The following SHROOM2 variants were observed in gnomAD, a reference collection of about 807,000 sequenced individuals.
SHROOM2 encodes the protein shroom family member 2, also known as protein Shroom2.
A neutral mutation model predicts 75.9 loss-of-function variants in SHROOM2; 33 were observed. The ratio of observed to expected loss-of-function variants is 0.43; its 90% CI spans 0.33 to 0.58. SHROOM2 has a LOEUF of 0.58. SHROOM2 is among the 20% of genes least tolerant of loss of function. SHROOM2 has a pLI of 0.04. For missense variants in SHROOM2, 1,434 were observed against 1,461.2 expected (o/e 0.98, Z 0.30); for synonymous variants, 655 against 663.6 (o/e 0.99, Z 0.20).
intron 5 of SHROOM2, among the ~76,000 whole-genome samples, chrX:9,924,967 T>C (rs1250590785): frequency 9.0e-6 from 1 of 111,591 alleles, no homozygotes; most frequent in Non-Finnish European, 1.9e-5. Flanking sequence ...GGTAAATTGG[T>C]ATGTCTAAGG....
At chrX:9,807,427 C>T (rs925373409) in intron 1 of SHROOM2, among the ~76,000 whole-genome samples, 1 of 112,004 alleles carries the variant, frequency 8.9e-6, no homozygotes, top group African/African-American at 3.2e-5. Flanking sequence ...CTGAGGGGAC[C>T]TGTTGGGAGG....
intron 5 of SHROOM2, among the ~76,000 whole-genome samples, chrX:9,906,523 G>A (rs772724610): frequency 4.8e-4 from 54 of 113,066 alleles, no homozygotes; most frequent in Non-Finnish European, 9.0e-4. Context: ...GGCAGGGCGT[G>A]GTGGCTCACG....
rs1186694955 is a variant in SHROOM2, at chrX:9,896,266, A to G, written c.2358A>G (p.Thr786=). 2.5e-6 allele frequency: 3 copies of G among 1,211,243 alleles called. No individual in the cohort carries two copies. Among genetic ancestry groups the G allele is most frequent in the African/African-American group, 3.5e-5 (2 of 57,612 alleles). Residue 786 remains threonine (T), a synonymous_variant, in exon 4 of 10, where the codon ACA becomes ACG. Transcript: ENST00000380913. ...RGYSPHQHPR[T]SEDTVGTFAD... is the part of the protein sequence containing the mutation. The stretch of plus-strand genomic sequence containing the variant: ...ACAGTCCTCACCAGCACCCCAGGAC[A>G]TCTGAGGATACTGTGGGCACGTTTG...
intron 9 of SHROOM2, among the ~76,000 whole-genome samples, chrX:9,945,586 G>T (rs2084811139): frequency 8.9e-6 from 1 of 111,787 alleles, no homozygotes; most frequent in South Asian, 3.7e-4. Context: ...TCATGTTGTT[G>T]TTGTTTTTAC....
At chrX:9,897,891 A>G (rs1368768944) in intron 4 of SHROOM2, among the ~76,000 whole-genome samples, 1 of 111,893 alleles carries the variant, frequency 8.9e-6, no homozygotes, top group Non-Finnish European at 1.9e-5. Context: ...TCAGGAGCAA[A>G]GAATCCCAGG....
chrX:9,786,512 T>A lies in SHROOM2; in HGVS notation c.-34T>A. 1.2e-6 allele frequency: 1 copy of A among 843,021 alleles called. No individual in the cohort carries two copies. Among genetic ancestry groups the A allele is most frequent in the Non-Finnish European group, 1.4e-6 (1 of 694,869 alleles). 69.5% of individuals were successfully genotyped at this position (843,021 alleles called of 1,213,427 possible). A position where few individuals can be genotyped will look rare whatever the true frequency, so the allele number is the denominator to read the frequency against. On this transcript the variant is annotated 5_prime_UTR_variant, in exon 1 of 10. The change abolishes an upstream ATG in the 5' untranslated region. Transcript: ENST00000380913. The stretch of plus-strand genomic sequence containing the variant: ...CACGGCCGGGACTGCCCGGAGTGCA[T>A]GGGCGCGGGCCAGGGACGCTGAGCG...
chrX:9,893,790 A>G (rs2147014689), intron 3 of SHROOM2, among the ~76,000 whole-genome samples: 2 of 109,860 alleles, frequency 1.8e-5, no homozygotes, highest in East Asian at 5.8e-4. Context: ...CGTCTCTACT[A>G]AAAATACAAC....
At chrX:9,855,523 C>T (rs2084064584) in intron 1 of SHROOM2, among the ~76,000 whole-genome samples, 1 of 104,940 alleles carries the variant, frequency 9.5e-6, no homozygotes, top group African/African-American at 3.7e-5. Flanking sequence ...GATAAAAATC[C>T]CAACTATTCC....
At chrX:9,898,468 C>CA (rs1288597467) in intron 5 of SHROOM2, among the ~76,000 whole-genome samples, 178 bp downstream of exon 5, 1 of 112,703 alleles carries the variant, frequency 8.9e-6, no homozygotes, top group African/African-American at 3.2e-5. Context: ...AGAGCCTGTG[C>CA]ACCCTGCAGC....
At position 9,808,913 on chromosome X, in the gene SHROOM2, G is replaced by A. The variant is rs771820506; in HGVS notation, c.165+22203G>A. Among the ~76,000 whole-genome samples, 49 of 110,138 alleles carry A rather than the reference G, an allele frequency of 4.4e-4. 1 individual carries two copies. The South Asian group carries it at 0.018, about 41-fold the overall frequency. ...ATGTAATTCACATGTCACAAAATTC[G>A]CCATGTTAAAGGGTACAGTTTAGTG... On this transcript the variant is annotated intron_variant, in intron 1 of 9. Coordinates refer to ENST00000380913, the MANE Select transcript of SHROOM2 (RefSeq NM_001649.4).
chrX:9,874,926 T>G (rs1247888434), intron 2 of SHROOM2, among the ~76,000 whole-genome samples: 4 of 104,898 alleles, frequency 3.8e-5, no homozygotes, highest in Non-Finnish European at 7.8e-5. Flanking sequence ...AAAAATTTTT[T>G]TTTAATTAGC....
In SHROOM2 at chrX:9,834,159, G is replaced by A. The variant is rs188052671; in HGVS notation, c.166-39493G>A. On this transcript the variant is annotated intron_variant, in intron 1 of 9. Transcript: ENST00000380913. ...GCGCAAGATGCCCCCCACAGCAAAC[G>A]GGGGTCCATCTCAGTGTGGTGGTGG... 2.7e-3 allele frequency among the ~76,000 whole-genome samples: 298 copies of A among 112,169 alleles called. 2 individuals carry two copies. The highest frequency in any genetic ancestry group is 8.9e-3 in the African/African-American group (276 of 30,917).
intron 5 of SHROOM2, among the ~76,000 whole-genome samples, chrX:9,911,563 G>A: frequency 9.0e-6 from 1 of 111,112 alleles, no homozygotes; most frequent in Non-Finnish European, 1.9e-5. Context: ...AGTGGCTGGC[G>A]ACGCTGCTTC....
intron 1 of SHROOM2, among the ~76,000 whole-genome samples, chrX:9,791,870 C>T (rs2083649789): frequency 1.8e-5 from 2 of 108,962 alleles, no homozygotes; most frequent in African/African-American, 3.4e-5. Context: ...TGGTGCATGC[C>T]TGTAATTCCA....
intron 1 of SHROOM2, among the ~76,000 whole-genome samples, chrX:9,799,157 C>CTT (rs58508176): frequency 0.17 from 10,322 of 60,956 alleles, 2,356 homozygotes; most frequent in African/African-American, 0.32. Flanking sequence ...GAGTTTAATT[C>CTT]TTTTTTTTTT....
Position 9,847,358 on chromosome X carries a change from G to A in SHROOM2, c.166-26294G>A, listed in dbSNP as rs151097052. Among the ~76,000 whole-genome samples, 836 of 112,518 alleles carry A rather than the reference G, an allele frequency of 7.4e-3. 6 individuals carry two copies. The highest frequency in any genetic ancestry group is 0.026 in the African/African-American group (803 of 30,986). On this transcript the variant is annotated intron_variant, in intron 1 of 9. Transcript: ENST00000380913. ...AAACAGTCTTTTGCAATGACTAACC[G>A]TGCTGGGTTGGAATGCAGTGCACAC...
At chrX:9,817,491 G>A (rs184803153) in intron 1 of SHROOM2, among the ~76,000 whole-genome samples, 35 of 111,924 alleles carry the variant, frequency 3.1e-4, no homozygotes, top group African/African-American at 1.1e-3. Flanking sequence ...GGTTGTTAAT[G>A]TAATAACTTC....
intron 2 of SHROOM2, 126 bp from the exon 3 acceptor site, chrX:9,890,851 C>T: frequency 1.5e-6 from 1 of 673,989 alleles, no homozygotes; most frequent in Non-Finnish European, 2.2e-6. Flanking sequence ...GGTCCTCAAG[C>T]CCCCTGCACT....
In SHROOM2 at chrX:9,916,916, G is replaced by A. The variant is rs770531304; in HGVS notation, c.2892-15259G>A. On this transcript the variant is annotated intron_variant, in intron 5 of 9. Transcript: ENST00000380913. ...AAGTGTGTTGAATTTTAGCGTTGTC[G>A]CCCTTGCACCTGGAGCCTCTGTGTG... Among the ~76,000 whole-genome samples the A allele has an allele frequency of 2.9e-3, 326 of 111,571 alleles. 4 individuals are homozygous for A. Among genetic ancestry groups the A allele is most frequent in the African/African-American group, 9.7e-3 (298 of 30,693 alleles).
Sources: gnomAD v4.1 joint callset for allele counts (sites outside exome capture counted in the v4.1 genomes callset) on GRCh38, gnomAD v4.1.1 for gene constraint, MANE v1.5 for transcripts, NCBI Gene and HGNC (gene_info 2026-07-23, HGNC 2026-07-21) for gene names.